The following GRHL1 variants were observed in gnomAD, a reference collection of about 807,000 sequenced individuals.
The protein encoded by GRHL1 is grainyhead like transcription factor 1.
Under a neutral mutation model 75.7 loss-of-function variants are expected in GRHL1, and 38 were observed. The observed-to-expected ratio is 0.50, with a 90% CI of 0.39 to 0.66. GRHL1 has a LOEUF of 0.66. GRHL1 is among the 30% of genes least tolerant of loss of function. The pLI, the probability that GRHL1 is intolerant of heterozygous loss-of-function variation, is 0.00. For synonymous variants in GRHL1, 266 were observed against 279.4 expected (o/e 0.95, Z 0.48); for missense variants, 589 against 767.5 (o/e 0.77, Z 2.75).
At chr2:9,969,422 C>T (rs1034382949) in intron 8 of GRHL1, among the ~76,000 whole-genome samples, 1 of 152,094 alleles carries the variant, frequency 6.6e-6, no homozygotes, top group Non-Finnish European at 1.5e-5. Flanking sequence ...AAACTCTAGA[C>T]CTTGAAATGG....
Position 9,963,954 on chromosome 2 carries a change from C to T in GRHL1, c.815C>T (p.Thr272Met). 3 of 1,612,948 alleles carry T rather than the reference C, an allele frequency of 1.9e-6. No homozygotes were observed. The highest frequency in any genetic ancestry group is 2.2e-5 in the East Asian group (1 of 44,878). ...CAGAAGCCAGGAGACAGTACCATGACGTACCTGAACAAAGGCCAGTTCTAT... is the reference window on the plus strand; with the variant it reads ...CAGAAGCCAGGAGACAGTACCATGATGTACCTGAACAAAGGCCAGTTCTAT... ...LRQKPGDSTM[T>M]YLNKGQFYPI... is the part of the protein sequence containing the mutation. The change falls in exon 6 of 16, where the codon ACG becomes ATG. Residue 272 changes from threonine to methionine, a missense_variant. This residue lies in a region of GRHL1 where 362 missense variants were observed against 461.8 expected (regional missense o/e 0.78). Transcript: ENST00000324907.
At position 9,951,991 on chromosome 2, in the gene GRHL1, C is replaced by G. The variant is rs1666800867; in HGVS notation, c.20+138C>G. On this transcript the variant is annotated intron_variant, in intron 1 of 15. Coordinates refer to ENST00000324907, the MANE Select transcript of GRHL1 (RefSeq NM_198182.3). The surrounding 1 kb of genome is among the most constrained non-coding windows in gnomAD (Gnocchi z 4.2). ...CGCGAGCCGGGGGCCGCTGTCCACT[C>G]CACGCCGCCACGGCCTTTGCCCCTT... The G allele has an allele frequency of 3.6e-6, 1 of 274,234 alleles. No homozygotes were observed. The highest frequency in any genetic ancestry group is 5.7e-6 in the Non-Finnish European group (1 of 176,796). 17.0% of individuals were successfully genotyped at this position (274,234 alleles called of 1,614,324 possible).
chr2:9,998,451 TATATATACATATATATAC>T lies in GRHL1; in HGVS notation c.1678-513_1678-496del, dbSNP rs1558319501. ...GTGTGTGTGTGTGTGTGTGTGTGTA[TATATATACATATATATAC>T]GTATATATATACATATATATACGTA... On this transcript the variant is annotated intron_variant, in intron 14 of 15. Coordinates refer to ENST00000324907, the MANE Select transcript of GRHL1 (RefSeq NM_198182.3). 1.1e-3 allele frequency among the ~76,000 whole-genome samples: 72 copies of T among 67,210 alleles called. 3 individuals are homozygous for T. The highest frequency in any genetic ancestry group is 1.4e-3 in the East Asian group (3 of 2,072). 44.1% of individuals were successfully genotyped at this position (67,210 alleles called of 152,430 possible).
At position 10,000,020 on chromosome 2, in the gene GRHL1, A is replaced by G. The variant is rs529941304; in HGVS notation, c.1743-573A>G. 1.6e-4 allele frequency among the ~76,000 whole-genome samples: 24 copies of G among 152,332 alleles called. No individual in the cohort carries two copies. The South Asian group carries it at 4.6e-3, about 29-fold the overall frequency. Reference sequence around the variant, plus strand: ...ATTCATTTAGAGATGGTTTCACTCTATCGCCCAGGCTGGAGTACAGTGGTG... The same window carrying G: ...ATTCATTTAGAGATGGTTTCACTCTGTCGCCCAGGCTGGAGTACAGTGGTG... On this transcript the variant is annotated intron_variant, in intron 15 of 15. Coordinates refer to ENST00000324907, the MANE Select transcript of GRHL1 (RefSeq NM_198182.3).
Position 9,961,041 on chromosome 2 carries a change from TAAAG to T in GRHL1, c.279-1_281del, listed in dbSNP as rs1667246669. On this transcript the variant is annotated splice_acceptor_variant and splice_polypyrimidine_tract_variant and intron_variant, in intron 3 of 15. Coordinates refer to ENST00000324907, the MANE Select transcript of GRHL1 (RefSeq NM_198182.3). LOFTEE classifies it high-confidence loss of function. The stretch of plus-strand genomic sequence containing the variant: ...GCGTTTGAAAGCAGTTTTCTTTTCT[TAAAG>T]AAACAGCATACCAATTGTGACAGAG... 4.6e-6 allele frequency: 7 copies of T among 1,524,000 alleles called. No homozygotes were observed. The highest frequency in any genetic ancestry group is 2.5e-5 in the East Asian group (1 of 40,558). 94.4% of individuals were successfully genotyped at this position (1,524,000 alleles called of 1,614,324 possible).
At chr2:9,979,870 C>T (rs1020319460) in intron 8 of GRHL1, among the ~76,000 whole-genome samples, 2 of 152,186 alleles carry the variant, frequency 1.3e-5, no homozygotes, top group African/African-American at 4.8e-5. Flanking sequence ...ACTCCAAGTG[C>T]TTTGTTCATG....
At chr2:9,981,583 T>C (rs1668199670) in intron 8 of GRHL1, among the ~76,000 whole-genome samples, 1 of 152,226 alleles carries the variant, frequency 6.6e-6, no homozygotes, top group Non-Finnish European at 1.5e-5. Flanking sequence ...TTTTACACTA[T>C]TACTGCAGAG....
chr2:9,970,830 T>C (rs566986108), intron 8 of GRHL1, among the ~76,000 whole-genome samples: 114 of 152,302 alleles, frequency 7.5e-4, no homozygotes, highest in African/African-American at 2.7e-3. Context: ...CCAAATGGTT[T>C]ATGTCATGGA....
chr2:9,955,832 G>A (rs867443006), intron 2 of GRHL1, among the ~76,000 whole-genome samples: 1 of 152,226 alleles, frequency 6.6e-6, no homozygotes, highest in Non-Finnish European at 1.5e-5. Context: ...CGTGCATACC[G>A]CTCTCCTTCT....
chr2:9,975,325 C>T (rs1380093375), intron 8 of GRHL1, among the ~76,000 whole-genome samples: 3 of 152,192 alleles, frequency 2.0e-5, no homozygotes, highest in Non-Finnish European at 4.4e-5. Context: ...CAATTGAAAA[C>T]TAAAAGTGAA....
chr2:9,972,101 G>C (rs935124258), intron 8 of GRHL1, among the ~76,000 whole-genome samples: 2 of 151,924 alleles, frequency 1.3e-5, no homozygotes, highest in African/African-American at 4.8e-5. Context: ...GAAAGCTTTA[G>C]TTTGGTAGTG....
intron 8 of GRHL1, among the ~76,000 whole-genome samples, chr2:9,972,755 T>C (rs974317087): frequency 1.3e-5 from 2 of 152,230 alleles, no homozygotes; most frequent in African/African-American, 4.8e-5. Context: ...AACATTGTAC[T>C]TGTTTGGAAC....
intron 14 of GRHL1, among the ~76,000 whole-genome samples, chr2:9,998,021 G>A (rs1484743592): frequency 6.6e-6 from 1 of 152,164 alleles, no homozygotes; most frequent in Non-Finnish European, 1.5e-5. Flanking sequence ...TTTGTGTGGT[G>A]AGAACTTGGA....
Position 10,001,114 on chromosome 2 carries a change from T to G in GRHL1, c.*407T>G, listed in dbSNP as rs1669250089. ...AGTCAGAAAAGGCGATAGGCTTGGC[T>G]TTAAGGATTTCGTGCCCTTGCCTGA... On this transcript the variant is annotated 3_prime_UTR_variant, in exon 16 of 16. Coordinates refer to ENST00000324907, the MANE Select transcript of GRHL1 (RefSeq NM_198182.3). The G allele has an allele frequency of 6.5e-6, 1 of 154,854 alleles. No homozygotes were observed. The highest frequency in any genetic ancestry group is 2.4e-5 in the African/African-American group (1 of 41,632). 9.6% of individuals were successfully genotyped at this position (154,854 alleles called of 1,614,324 possible).
chr2:9,965,692 T>C, intron 8 of GRHL1: 1 of 318,560 alleles, frequency 3.1e-6, no homozygotes, highest in Admixed American at 4.5e-5. Flanking sequence ...GGAGGTGATA[T>C]CTGTCTCCTC....
chr2:9,959,551 A>G (rs749103103), intron 3 of GRHL1: 1 of 152,176 alleles, frequency 6.6e-6, no homozygotes, highest in Non-Finnish European at 1.5e-5. Flanking sequence ...TTTCATAAAC[A>G]TTTTCTCTGT....
chr2:9,953,196 T>A (rs190276251), intron 1 of GRHL1: 472 of 403,504 alleles, frequency 1.2e-3, no homozygotes, highest in Admixed American at 1.9e-3. Flanking sequence ...CTTTCTCTGT[T>A]TTCTATTGCT....
chr2:10,000,548 AC>A, intron 15 of GRHL1, 44 bp from the exon 16 acceptor site: 1 of 1,099,460 alleles, frequency 9.1e-7, no homozygotes, highest in South Asian at 1.3e-5. Flanking sequence ...TGACTCCAGG[AC>A]CAAGTGGCAG....
intron 1 of GRHL1, chr2:9,953,014 G>A (rs759631437): frequency 2.2e-6 from 1 of 456,788 alleles, no homozygotes; most frequent in Non-Finnish European, 4.4e-6. Flanking sequence ...GGCGACTGAA[G>A]CCTACTTCCT....
Sources: gnomAD v4.1 joint callset for allele counts (sites outside exome capture counted in the v4.1 genomes callset) on GRCh38, gnomAD v4.1.1 for gene constraint, gnomAD v4.1.1 regional missense constraint, Gnocchi (gnomAD v3.1) non-coding constraint, MANE v1.5 for transcripts, NCBI Gene and HGNC (gene_info 2026-07-23, HGNC 2026-07-21) for gene names.